Variants in CSMD3 observed in about 807,000 individuals in gnomAD.
CSMD3 encodes CUB and sushi domain-containing protein 3.
CSMD3 carries 177 observed loss-of-function variants against 435.2 expected under a neutral mutation model. The observed-to-expected ratio is 0.41, with a 90% CI of 0.36 to 0.46. The LOEUF (loss-of-function observed/expected upper bound fraction) is 0.46, where lower values mean the gene tolerates loss of function less well. Among genes scored for constraint, CSMD3 ranks in the 20% least tolerant of loss-of-function variants. CSMD3 has a pLI of 0.34. For missense variants in CSMD3, 4,265 were observed against 4,504.6 expected, an observed-to-expected ratio of 0.95 and a Z score of 1.52; for synonymous variants, 1,656 against 1,520.5, an observed-to-expected ratio of 1.09 and a Z score of -2.07.
rs1299419192 is a variant in CSMD3, at chr8:113,290,558, A to G, written c.402-11854T>C. On this transcript the variant is annotated intron_variant, in intron 2 of 70. Coordinates refer to ENST00000297405, the MANE Select transcript of CSMD3 (RefSeq NM_198123.2). ...GATGATTATTTATTTGTGTGTATGCATGCATATATCCCAATACAACTGGTA... is the reference window on the plus strand; with the variant it reads ...GATGATTATTTATTTGTGTGTATGCGTGCATATATCCCAATACAACTGGTA... Among the ~76,000 whole-genome samples the G allele has an allele frequency of 3.3e-5, 5 of 151,850 alleles. No homozygotes were observed. In the East Asian group the frequency reaches 9.6e-4, roughly 29 times the overall value.
chr8:113,104,079 T>A (rs2090407357), intron 4 of CSMD3, among the ~76,000 whole-genome samples: 1 of 152,040 alleles, frequency 6.6e-6, no homozygotes, highest in African/African-American at 2.4e-5. Context: ...CTGTAACACA[T>A]CTTTTCCAAT....
intron 11 of CSMD3, among the ~76,000 whole-genome samples, chr8:112,831,426 G>A (rs113882222): frequency 9.3e-5 from 14 of 151,056 alleles, no homozygotes; most frequent in Admixed American, 1.3e-4. Flanking sequence ...ATACTTGCTA[G>A]GTAATAACAG....
intron 4 of CSMD3, among the ~76,000 whole-genome samples, chr8:113,135,737 T>A (rs1472558049): frequency 6.6e-6 from 1 of 151,870 alleles, no homozygotes; most frequent in East Asian, 1.9e-4. Flanking sequence ...ATCCAATTAC[T>A]TGGATCCTTT....
chr8:113,021,659 T>C (rs2086689456), intron 5 of CSMD3, among the ~76,000 whole-genome samples: 2 of 152,144 alleles, frequency 1.3e-5, no homozygotes, highest in Non-Finnish European at 2.9e-5. Context: ...TGATAAACTT[T>C]CCATCTTTTC....
intron 22 of CSMD3, among the ~76,000 whole-genome samples, chr8:112,601,344 G>T (rs988765147): frequency 1.3e-5 from 2 of 152,038 alleles, no homozygotes; most frequent in African/African-American, 2.4e-5. Context: ...GGTGGAATAA[G>T]GTGCCCAAGA....
intron 19 of CSMD3, among the ~76,000 whole-genome samples, chr8:112,648,583 T>A (rs535260184): frequency 6.4e-4 from 98 of 152,266 alleles, no homozygotes; most frequent in African/African-American, 2.1e-3. Context: ...GGATATGGAA[T>A]ATAACGTGAA....
chr8:113,090,561 T>G (rs1041647747), intron 5 of CSMD3, among the ~76,000 whole-genome samples: 1 of 152,124 alleles, frequency 6.6e-6, no homozygotes, highest in Admixed American at 6.6e-5. Flanking sequence ...GAATAAAATT[T>G]ATGGATAAAA....
intron 1 of CSMD3, among the ~76,000 whole-genome samples, chr8:113,319,227 C>G (rs1303194460): frequency 6.6e-6 from 1 of 151,964 alleles, no homozygotes; most frequent in African/African-American, 2.4e-5. Context: ...CAATTGTTAT[C>G]TCGTCTTTTT....
chr8:112,498,401 T>C (rs916335347), intron 30 of CSMD3, among the ~76,000 whole-genome samples: 1 of 152,114 alleles, frequency 6.6e-6, no homozygotes, highest in Non-Finnish European at 1.5e-5. Flanking sequence ...AACATTGAAA[T>C]TGATTAAGCT....
intron 45 of CSMD3, among the ~76,000 whole-genome samples, chr8:112,324,906 T>C (rs1823350353): frequency 6.6e-6 from 1 of 152,026 alleles, no homozygotes; most frequent in Admixed American, 6.6e-5. Context: ...AAATAAACAA[T>C]TGCTGATAGA....
chr8:112,573,737 G>A (rs2131303103), intron 23 of CSMD3, 80 bp from the exon 24 acceptor site: 1 of 1,164,556 alleles, frequency 8.6e-7, no homozygotes, highest in Admixed American at 2.0e-5. Flanking sequence ...CTATGAAAAA[G>A]AGAAAAGTGT....
At chr8:113,218,486 A>G (rs1801503150) in intron 3 of CSMD3, among the ~76,000 whole-genome samples, 1 of 150,226 alleles carries the variant, frequency 6.7e-6, no homozygotes, top group South Asian at 2.1e-4. Flanking sequence ...AAAAAAGAAT[A>G]CTATGTCATG....
rs143432890 is a variant in CSMD3, at chr8:112,323,265, A to G, written c.7166-3284T>C. ...GTAGCTTGCAACAATTTTGTTTTCA[A>G]TCTTCATCAATCTCTACTAGTATGT... is the stretch of plus-strand genomic sequence containing the variant. On this transcript the variant is annotated intron_variant, in intron 45 of 70. Coordinates refer to ENST00000297405, the MANE Select transcript of CSMD3 (RefSeq NM_198123.2). 6.5e-4 allele frequency among the ~76,000 whole-genome samples: 99 copies of G among 152,132 alleles called. 1 individual carries two copies. Among genetic ancestry groups the G allele is most frequent in the Non-Finnish European group, 4.4e-4 (30 of 67,936 alleles).
At chr8:112,801,534 A>G (rs573316303) in intron 12 of CSMD3, among the ~76,000 whole-genome samples, 1 of 152,208 alleles carries the variant, frequency 6.6e-6, no homozygotes, top group African/African-American at 2.4e-5. Flanking sequence ...ACTTCAGATT[A>G]TCTTCATTTC....
At chr8:112,667,110 C>A (rs759785275) in intron 16 of CSMD3, among the ~76,000 whole-genome samples, 12 of 152,202 alleles carry the variant, frequency 7.9e-5, no homozygotes, top group South Asian at 2.1e-4. Context: ...CATTGTAGTT[C>A]CAGTAAGTAC....
intron 32 of CSMD3, among the ~76,000 whole-genome samples, chr8:112,423,294 C>T (rs1276202690): frequency 6.6e-6 from 1 of 152,188 alleles, no homozygotes; most frequent in Non-Finnish European, 1.5e-5. Context: ...TTTGCTATCA[C>T]TGTTGTCATC....
chr8:112,741,883 T>C (rs1039267085), intron 13 of CSMD3, among the ~76,000 whole-genome samples: 6 of 151,678 alleles, frequency 4.0e-5, no homozygotes, highest in African/African-American at 1.5e-4. Flanking sequence ...AGAATTAAAA[T>C]TAGAGAAACC....
At chr8:112,614,035 A>C (rs1221643063) in intron 22 of CSMD3, among the ~76,000 whole-genome samples, 1 of 152,186 alleles carries the variant, frequency 6.6e-6, no homozygotes, top group Admixed American at 6.6e-5. Context: ...AGAATAAGCA[A>C]ATTAGAAAAG....
At position 113,386,907 on chromosome 8, in the gene CSMD3, C is replaced by T. The variant is rs770203526; in HGVS notation, c.178+49770G>A. ...AAGAAAATATGATCCAAAATTTACA[C>T]GAAAGAGTGGCATGAAAGAAGAGAG... On this transcript the variant is annotated intron_variant, in intron 1 of 70. Coordinates refer to ENST00000297405, the MANE Select transcript of CSMD3 (RefSeq NM_198123.2). 3.0e-4 allele frequency among the ~76,000 whole-genome samples: 45 copies of T among 151,608 alleles called. 2 individuals are homozygous for T. The highest frequency in any genetic ancestry group is 2.3e-3 in the Admixed American group (35 of 15,184).
Sources: allele counts gnomAD v4.1 joint callset (sites outside exome capture counted in the v4.1 genomes callset), GRCh38; gene constraint gnomAD v4.1.1; transcripts MANE v1.5; gene names NCBI Gene and HGNC (gene_info 2026-07-23, HGNC 2026-07-21).